The following NT5C2 variants were observed in gnomAD, a reference collection of about 807,000 sequenced individuals.
NT5C2 encodes cytosolic purine 5'-nucleotidase.
In NT5C2, 58 loss-of-function variants were observed where a neutral mutation model predicts 76.1. That is an observed-to-expected ratio of 0.76 (90% CI 0.62 to 0.95). The LOEUF (loss-of-function observed/expected upper bound fraction) is 0.95. Ranked by LOEUF, NT5C2 falls within the 40% of genes least tolerant of loss-of-function variation. NT5C2 has a pLI of 0.00. For synonymous variants in NT5C2, 229 were observed against 237.4 expected, an observed-to-expected ratio of 0.96 and a Z score of 0.32; for missense variants, 478 against 690.3, an observed-to-expected ratio of 0.69 and a Z score of 3.45.
At chr10:103,143,750 GTC>G (rs1388163037) in intron 3 of NT5C2, among the ~76,000 whole-genome samples, 1 of 151,648 alleles carries the variant, frequency 6.6e-6, no homozygotes, top group East Asian at 1.9e-4. Flanking sequence ...CAGCCCAGGA[GTC>G]TGAGACCAGC....
intron 3 of NT5C2, chr10:103,169,164 T>C (rs2087161428): frequency 6.6e-6 from 1 of 152,030 alleles, no homozygotes; most frequent in Non-Finnish European, 1.5e-5. Context: ...AAATGATAAA[T>C]GTAAGAGGTT....
At chr10:103,134,379 G>C (rs117897062) in intron 4 of NT5C2, among the ~76,000 whole-genome samples, 1 of 152,344 alleles carries the variant, frequency 6.6e-6, no homozygotes, top group South Asian at 2.1e-4. Flanking sequence ...TGGCTGAAAG[G>C]GGCCAATATA....
At chr10:103,099,572 A>G (rs930475220) in intron 9 of NT5C2, among the ~76,000 whole-genome samples, 2 of 152,198 alleles carry the variant, frequency 1.3e-5, no homozygotes, top group Admixed American at 6.5e-5. Flanking sequence ...TGTAAATTTA[A>G]TATTTATTAA....
chr10:103,143,634 T>G (rs1399116663), intron 3 of NT5C2, among the ~76,000 whole-genome samples: 15 of 80,618 alleles, frequency 1.9e-4, no homozygotes, highest in Middle Eastern at 6.6e-3. Flanking sequence ...TTTTTTTTTG[T>G]AGAGATGGCC....
chr10:103,093,409 T>A (rs942813594), intron 14 of NT5C2, 100 bp from the exon 15 acceptor site: 2 of 1,051,842 alleles, frequency 1.9e-6, no homozygotes, highest in Admixed American at 3.3e-5. Flanking sequence ...TTTATTCTTA[T>A]ATGAGGAACA....
intron 3 of NT5C2, chr10:103,146,279 A>G: frequency 2.0e-6 from 2 of 985,420 alleles, no homozygotes; most frequent in Non-Finnish European, 2.4e-6. Flanking sequence ...TCCATTTGGA[A>G]TAGAATTTCT....
chr10:103,125,322 T>G, intron 4 of NT5C2: 1 of 508,388 alleles, frequency 2.0e-6, no homozygotes, highest in South Asian at 1.8e-5. Flanking sequence ...GACAATGACT[T>G]TGGAGCACAG....
chr10:103,175,996 G>A, intron 2 of NT5C2: 1 of 170,568 alleles, frequency 5.9e-6, no homozygotes, highest in Non-Finnish European at 1.3e-5. Context: ...CAAGGGGGCA[G>A]AGGGTAATGC....
chr10:103,165,401 G>A (rs1239294008), intron 3 of NT5C2, among the ~76,000 whole-genome samples: 5 of 152,048 alleles, frequency 3.3e-5, no homozygotes, highest in South Asian at 2.1e-4. Flanking sequence ...GCTGAGGCAG[G>A]AGAATCGCTT....
intron 3 of NT5C2, among the ~76,000 whole-genome samples, chr10:103,143,006 A>G (rs1482137394): frequency 1.3e-5 from 2 of 151,772 alleles, no homozygotes; most frequent in East Asian, 3.9e-4. Context: ...AAAAAAAAGA[A>G]GAATAGAAAA....
intron 12 of NT5C2, among the ~76,000 whole-genome samples, chr10:103,095,328 GCACTGCA>G (rs2067921268): frequency 6.6e-6 from 1 of 152,192 alleles, no homozygotes; most frequent in Non-Finnish European, 1.5e-5. Context: ...AACCTGAAGG[GCACTGCA>G]CACTGTGATT....
chr10:103,180,124 T>C (rs2090795580), intron 2 of NT5C2, among the ~76,000 whole-genome samples: 1 of 152,206 alleles, frequency 6.6e-6, no homozygotes, highest in Non-Finnish European at 1.5e-5. Context: ...AAAGAATATA[T>C]ACAAATGGCA....
rs2071342061 is a variant in NT5C2, at chr10:103,106,604, G to C, written c.278C>G (p.Ser93Cys). 1 of 1,606,898 alleles carries C rather than the reference G, an allele frequency of 6.2e-7. No individual in the cohort carries two copies. Among genetic ancestry groups the C allele is most frequent in the Non-Finnish European group, 8.5e-7 (1 of 1,173,656 alleles). ...TAAAAATTACCTGGTAGGGAATGTA[G>C]AATCATAAGCAAAGCTGAGCAACTC... ...PQELLSFAYD[S>C]TFPTRGLVFD... The change falls in exon 5 of 19, where the codon TCT becomes TGT. Residue 93 changes from serine to cysteine, a missense_variant. Transcript: ENST00000404739.
chr10:103,166,429 CTT>C (rs1175108424), intron 3 of NT5C2, among the ~76,000 whole-genome samples: 1 of 152,180 alleles, frequency 6.6e-6, no homozygotes, highest in African/African-American at 2.4e-5. Flanking sequence ...GCATAATTCT[CTT>C]GAGATATATC....
At chr10:103,145,789 A>G (rs2081363467) in intron 3 of NT5C2, among the ~76,000 whole-genome samples, 1 of 152,212 alleles carries the variant, frequency 6.6e-6, no homozygotes, top group Non-Finnish European at 1.5e-5. Flanking sequence ...AGACTTCAAT[A>G]TAAAGACAAA....
intron 4 of NT5C2, among the ~76,000 whole-genome samples, chr10:103,127,149 C>G (rs1340551222): frequency 1.3e-5 from 2 of 152,126 alleles, no homozygotes; most frequent in Non-Finnish European, 2.9e-5. Flanking sequence ...GTAGTTAAAG[C>G]ATAATTAATG....
chr10:103,190,977 A>G (rs2092591241), intron 1 of NT5C2, among the ~76,000 whole-genome samples: 1 of 152,252 alleles, frequency 6.6e-6, no homozygotes, highest in African/African-American at 2.4e-5. Flanking sequence ...TGTACTAGAT[A>G]AAAACCAGTC....
intron 3 of NT5C2, among the ~76,000 whole-genome samples, chr10:103,172,295 G>A (rs2088343603): frequency 7.0e-6 from 1 of 143,678 alleles, no homozygotes; most frequent in Admixed American, 7.0e-5. Context: ...CACCCAGGCT[G>A]GAGTGTGCAG....
chr10:103,148,537 G>C (rs1046111753), intron 3 of NT5C2, among the ~76,000 whole-genome samples: 1 of 151,570 alleles, frequency 6.6e-6, no homozygotes, highest in Non-Finnish European at 1.5e-5. Context: ...CCAGGAGGCA[G>C]AGCTTGCAGT....
Sources: allele counts gnomAD v4.1 joint callset (sites outside exome capture counted in the v4.1 genomes callset), GRCh38; gene constraint gnomAD v4.1.1; transcripts MANE v1.5; gene names NCBI Gene and HGNC (gene_info 2026-07-23, HGNC 2026-07-21).